Variants in MDN1 observed in about 807,000 individuals in gnomAD.
The protein encoded by MDN1 is midasin AAA ATPase 1, also known as midasin.
MDN1 carries 266 observed loss-of-function variants against 669.2 expected under a neutral mutation model. The ratio of observed to expected loss-of-function variants is 0.40; its 90% CI spans 0.36 to 0.44. MDN1 has a LOEUF of 0.44. Ranked by LOEUF, MDN1 falls within the 20% of genes least tolerant of loss-of-function variation. The probability of loss-of-function intolerance (pLI) is 1.00; values close to 1 mark genes in which losing one functional copy is unlikely to be tolerated. For missense variants in MDN1, 5,940 were observed against 6,754.0 expected, an observed-to-expected ratio of 0.88 and a Z score of 4.22; for synonymous variants, 2,385 against 2,457.1, an observed-to-expected ratio of 0.97 and a Z score of 0.87.
At chr6:89,787,582 A>G (rs902979007) in intron 8 of MDN1, among the ~76,000 whole-genome samples, 5 of 152,086 alleles carry the variant, frequency 3.3e-5, no homozygotes, top group Admixed American at 3.3e-4. Flanking sequence ...GCTATCTAAC[A>G]ATAACCTCAC....
In MDN1 at chr6:89,738,361, C is replaced by T. The variant is rs377690274; in HGVS notation, c.4688G>A (p.Arg1563His). The T allele has an allele frequency of 4.0e-5, 64 of 1,613,944 alleles. 1 individual carries two copies. Among genetic ancestry groups the T allele is most frequent in the South Asian group, 3.4e-4 (31 of 91,064 alleles). ...TATTCTGCCCAGACACAATCCTGGACGAAGATTATGACTGATGATCTGAAT... is the reference window on the plus strand; with the variant it reads ...TATTCTGCCCAGACACAATCCTGGATGAAGATTATGACTGATGATCTGAAT... Reference protein sequence around the residue: ...DLIQIISHNLRPGLCLGRIDP... With the variant: ...DLIQIISHNLHPGLCLGRIDP... The change falls in exon 33 of 102, where the codon CGT becomes CAT. Residue 1563 changes from arginine (R) to histidine (H), a missense_variant. Arg to His is a conservative substitution (Grantham distance 29). Transcript: ENST00000369393.
At chr6:89,800,705 C>G (rs1158878889) in intron 2 of MDN1, among the ~76,000 whole-genome samples, 1 of 152,056 alleles carries the variant, frequency 6.6e-6, no homozygotes, top group Non-Finnish European at 1.5e-5. Context: ...TCAAGGAAGT[C>G]TCTGATTGAT....
intron 1 of MDN1, among the ~76,000 whole-genome samples, chr6:89,814,384 CT>C (rs35652654): frequency 1.6e-3 from 223 of 137,866 alleles, no homozygotes; most frequent in Middle Eastern, 3.7e-3. Context: ...AATCCCCCTC[CT>C]TTTTTTTTTT....
intron 59 of MDN1, 52 bp from the exon 60 acceptor site, chr6:89,696,626 GA>G (rs1357980294): frequency 1.4e-6 from 2 of 1,429,896 alleles, no homozygotes; most frequent in African/African-American, 2.8e-5. Flanking sequence ...ACAATTTCCA[GA>G]AGCAGCATTA....
intron 1 of MDN1, 66 bp downstream of exon 1, chr6:89,819,439 GC>G: frequency 7.2e-7 from 1 of 1,394,388 alleles, no homozygotes; most frequent in Non-Finnish European, 9.9e-7. Flanking sequence ...CGGCGGGGGA[GC>G]GCAGGAAGCT....
Position 89,701,590 on chromosome 6 carries a change from G to A in MDN1, c.8395C>T (p.Gln2799Ter). 1 of 1,614,148 alleles carries A rather than the reference G, an allele frequency of 6.2e-7. No individual in the cohort carries two copies. Among genetic ancestry groups the A allele is most frequent in the Non-Finnish European group, 8.5e-7 (1 of 1,180,018 alleles). ...GGAAACGGTCGTCCCAGGAACTTCTGCAACTTCTTTATACCAGCGAAGCCA... is the reference window on the plus strand; with the variant it reads ...GGAAACGGTCGTCCCAGGAACTTCTACAACTTCTTTATACCAGCGAAGCCA... ...TGGFAGIKKLQKFLGRPFPFK... is the reference protein window; with the variant it reads ...TGGFAGIKKL Residue 2799 changes from glutamine to a stop codon, truncating the protein, a stop_gained, in exon 55 of 102, where the codon CAG (glutamine) becomes TAG (stop). Coordinates refer to ENST00000369393, the MANE Select transcript of MDN1 (RefSeq NM_014611.3). LOFTEE classifies it high-confidence loss of function.
chr6:89,782,578 G>C (rs1309481211), intron 9 of MDN1, among the ~76,000 whole-genome samples: 1 of 150,468 alleles, frequency 6.6e-6, no homozygotes, highest in Non-Finnish European at 1.5e-5. Flanking sequence ...TCTAGCCTGG[G>C]TGACAGAGTA....
intron 11 of MDN1, among the ~76,000 whole-genome samples, chr6:89,776,950 C>T (rs1463166030): frequency 6.6e-6 from 1 of 152,110 alleles, no homozygotes; most frequent in Non-Finnish European, 1.5e-5. Flanking sequence ...ACAAAACACC[C>T]CACTTTGCAA....
intron 2 of MDN1, among the ~76,000 whole-genome samples, chr6:89,802,991 A>T (rs1767764529): frequency 6.6e-6 from 1 of 152,118 alleles, no homozygotes; most frequent in Non-Finnish European, 1.5e-5. Flanking sequence ...TTCCCATTAG[A>T]GGTGGATGCT....
intron 2 of MDN1, among the ~76,000 whole-genome samples, chr6:89,799,278 A>C (rs1232105702): frequency 1.3e-5 from 2 of 152,260 alleles, no homozygotes; most frequent in Non-Finnish European, 2.9e-5. Flanking sequence ...TACCAATCAA[A>C]AGACAGACAG....
At chr6:89,720,263 T>C (rs1267350662) in intron 40 of MDN1, among the ~76,000 whole-genome samples, 1 of 151,982 alleles carries the variant, frequency 6.6e-6, no homozygotes, top group African/African-American at 2.4e-5. Context: ...CAACCCCTGA[T>C]GTTCTACCAG....
chr6:89,711,986 A>C, intron 49 of MDN1, 50 bp downstream of exon 49: 4 of 1,448,730 alleles, frequency 2.8e-6, no homozygotes, highest in Non-Finnish European at 3.8e-6. Flanking sequence ...CTTAAATAGC[A>C]TAAGTGTATA....
chr6:89,714,846 TG>T (rs773508829), intron 45 of MDN1, 95 bp from the exon 46 acceptor site: 62 of 961,936 alleles, frequency 6.4e-5, no homozygotes, highest in Non-Finnish European at 8.6e-5. Flanking sequence ...AAATCCTATG[TG>T]GCTCATTGTC....
At position 89,762,466 on chromosome 6, in the gene MDN1, CAA is replaced by C. The variant is rs1256225874; in HGVS notation, c.2207_2208del (p.Phe736CysfsTer27). 6.2e-7 allele frequency: 1 copy of C among 1,614,112 alleles called. No individual in the cohort carries two copies. The highest frequency in any genetic ancestry group is 1.1e-5 in the South Asian group (1 of 91,078). On this transcript the variant is annotated frameshift_variant, in exon 16 of 102. Coordinates refer to ENST00000369393, the MANE Select transcript of MDN1 (RefSeq NM_014611.3). LOFTEE classifies it high-confidence loss of function. Reference protein sequence around the residue: ...LPLREAFEELFAQTFSKKQNF... With the variant: ...LPLREAFEELXAQTFSKKQNF... ...TTTTGTTTCTTGGAAAATGTCTGAGCAAAGAGTTCCTCAAATGCCTCCCGTAA... is the reference window on the plus strand; with the variant it reads ...TTTTGTTTCTTGGAAAATGTCTGAGCAGAGTTCCTCAAATGCCTCCCGTAA...
intron 31 of MDN1, among the ~76,000 whole-genome samples, chr6:89,741,026 G>C (rs1458700964): frequency 6.6e-6 from 1 of 152,198 alleles, no homozygotes; most frequent in East Asian, 1.9e-4. Context: ...GAGGCCAGGA[G>C]TTGGAGACCA....
At position 89,740,258 on chromosome 6, in the gene MDN1, A is replaced by G. The variant is rs2128316768; in HGVS notation, c.4569T>C (p.Pro1523=). 1 of 1,611,808 alleles carries G rather than the reference A, an allele frequency of 6.2e-7. No homozygotes were observed. The highest frequency in any genetic ancestry group is 1.3e-5 in the African/African-American group (1 of 74,894). ...KKFRILATMN[P]GGDFGKKELS... ...CCTCCTTTTTTCCAAAGTCACCCCC[A>G]GGGTTCATGGTTGCTAGAATACGAA... Residue 1523 remains proline (P), a synonymous_variant, in exon 32 of 102, where the codon CCT becomes CCC. Transcript: ENST00000369393.
intron 15 of MDN1, among the ~76,000 whole-genome samples, chr6:89,769,933 A>G (rs1050538157): frequency 4.6e-5 from 7 of 152,154 alleles, no homozygotes; most frequent in African/African-American, 1.7e-4. Context: ...ACATATAGAT[A>G]CAGAATAGAG....
intron 9 of MDN1, among the ~76,000 whole-genome samples, chr6:89,782,857 G>A (rs954309718): frequency 1.3e-5 from 2 of 152,072 alleles, no homozygotes; most frequent in South Asian, 2.1e-4. Context: ...CTGGAGCCAC[G>A]GCAGAGGAAA....
chr6:89,730,778 T>G lies in MDN1; in HGVS notation c.5088A>C (p.Glu1696Asp). ...CCCAAAGGTTATCTATTCCAGTGAATTCTTTGGCCTTCATTCTGTCATAAA... is the reference window on the plus strand; with the variant it reads ...CCCAAAGGTTATCTATTCCAGTGAAGTCTTTGGCCTTCATTCTGTCATAAA... Reference protein sequence around the residue: ...LKIYDRMKAKEFTGIDNLWGI... With the variant: ...LKIYDRMKAKDFTGIDNLWGI... The change falls in exon 35 of 102, where the codon GAA (glutamate) becomes GAC (aspartate). Residue 1696 changes from glutamate (E) to aspartate (D), a missense_variant. By Grantham distance (45) the Glu-to-Asp change is conservative (BLOSUM62 2). This residue lies in a region of MDN1 where 2,292 missense variants were observed against 2,638.3 expected (regional missense o/e 0.87). Transcript: ENST00000369393. 1.2e-6 allele frequency: 2 copies of G among 1,614,142 alleles called. No homozygotes were observed. Among genetic ancestry groups the G allele is most frequent in the Non-Finnish European group, 1.7e-6 (2 of 1,179,986 alleles).
Sources: gnomAD v4.1 joint callset for allele counts (sites outside exome capture counted in the v4.1 genomes callset) on GRCh38, gnomAD v4.1.1 for gene constraint, gnomAD v4.1.1 regional missense constraint, MANE v1.5 for transcripts, NCBI Gene and HGNC (gene_info 2026-07-23, HGNC 2026-07-21) for gene names.